The following MYCBP2 variants were observed in gnomAD, a reference collection of about 807,000 sequenced individuals.
MYCBP2 encodes the protein MYC binding protein 2.
A neutral mutation model predicts 525.3 loss-of-function variants in MYCBP2; 120 were observed. The ratio of observed to expected loss-of-function variants is 0.23; its 90% CI spans 0.20 to 0.27. MYCBP2 has a LOEUF of 0.27. Among genes scored for constraint, MYCBP2 ranks in the 10% least tolerant of loss-of-function variants. The probability of loss-of-function intolerance (pLI) is 1.00; values close to 1 mark genes in which losing one functional copy is unlikely to be tolerated. For synonymous variants in MYCBP2, 1,894 were observed against 1,955.8 expected, an observed-to-expected ratio of 0.97 and a Z score of 0.83; for missense variants, 4,149 against 5,657.1, an observed-to-expected ratio of 0.73 and a Z score of 8.55.
intron 60 of MYCBP2, 112 bp downstream of exon 60, chr13:77,089,994 T>A: frequency 1.2e-6 from 1 of 869,150 alleles, no homozygotes; most frequent in South Asian, 2.4e-5. Flanking sequence ...TTAGAAATTA[T>A]CCCATGCCTT....
rs529305914 is a variant in MYCBP2, at chr13:77,156,352, T to C, written c.6771-150A>G. On this transcript the variant is annotated intron_variant, in intron 45 of 82. Transcript: ENST00000544440. ...TTTCCAACTCAGTGATAATCATGAG[T>C]GTCTCCCTCAGAAACTGTTAAGGAC... is the stretch of plus-strand genomic sequence containing the variant. 22 of 695,466 alleles carry C rather than the reference T, an allele frequency of 3.2e-5. No homozygotes were observed. The African/African-American group carries it at 3.7e-4, about 12-fold the overall frequency. 43.1% of individuals were successfully genotyped at this position (695,466 alleles called of 1,614,324 possible). A position where few individuals can be genotyped will look rare whatever the true frequency, so the allele number is the denominator to read the frequency against.
intron 23 of MYCBP2, among the ~76,000 whole-genome samples, chr13:77,208,836 A>G (rs963983755): frequency 2.0e-5 from 3 of 152,182 alleles, no homozygotes; most frequent in Non-Finnish European, 4.4e-5. Context: ...GTAAATTTGT[A>G]TGTGGGAAAT....
intron 26 of MYCBP2, among the ~76,000 whole-genome samples, chr13:77,201,961 C>T (rs1447210261): frequency 6.6e-6 from 1 of 152,030 alleles, no homozygotes; most frequent in Admixed American, 6.6e-5. Flanking sequence ...AAAATTGACA[C>T]CCTAACATCA....
chr13:77,060,119 A>G (rs1159382022), intron 76 of MYCBP2, among the ~76,000 whole-genome samples: 1 of 152,212 alleles, frequency 6.6e-6, no homozygotes, highest in Non-Finnish European at 1.5e-5. Context: ...AGGAATTTAA[A>G]TATGTTTGAA....
intron 14 of MYCBP2, 129 bp from the exon 15 acceptor site, chr13:77,251,484 T>A: frequency 1.4e-6 from 1 of 724,586 alleles, no homozygotes; most frequent in South Asian, 1.9e-5. Context: ...AATGCTTAAA[T>A]TTGAGTAACA....
At chr13:77,269,574 C>T (rs914462216) in intron 7 of MYCBP2, among the ~76,000 whole-genome samples, 1 of 151,886 alleles carries the variant, frequency 6.6e-6, no homozygotes, top group Non-Finnish European at 1.5e-5. Context: ...TGCAGTGAGC[C>T]GAGACTGTGC....
At chr13:77,120,962 A>C (rs887005487) in intron 55 of MYCBP2, among the ~76,000 whole-genome samples, 2 of 152,178 alleles carry the variant, frequency 1.3e-5, no homozygotes, top group African/African-American at 4.8e-5. Context: ...AATATTACTT[A>C]AAAATATTAT....
intron 13 of MYCBP2, 136 bp downstream of exon 13, chr13:77,260,292 T>G: frequency 3.2e-6 from 2 of 625,944 alleles, no homozygotes; most frequent in South Asian, 5.7e-5. Flanking sequence ...TCTTTCGAAA[T>G]ATTTCACATT....
At chr13:77,304,156 G>A (rs926436942) in intron 1 of MYCBP2, among the ~76,000 whole-genome samples, 1 of 152,112 alleles carries the variant, frequency 6.6e-6, no homozygotes, top group East Asian at 1.9e-4. Flanking sequence ...AAATCCGTAT[G>A]TTGAAAAGAT....
rs780366379 is a variant in MYCBP2 at position 77,211,965 on chromosome 13, G to A, written c.3253C>T (p.His1085Tyr). The A allele has an allele frequency of 3.1e-6, 5 of 1,613,548 alleles. No individual in the cohort carries two copies. In the East Asian group the frequency reaches 1.1e-4, roughly 36 times the overall value. ...LATSEIFASK[H>Y]IIGLVPASIS... ...TTATTTCTGGTATTACCTATTATGT[G>A]TTTACTGGCAAAAATTTCTGATGTA... Residue 1085 changes from histidine to tyrosine, a missense_variant, in exon 22 of 83, where the codon CAC (histidine) becomes TAC (tyrosine). His to Tyr is a moderately conservative substitution (Grantham distance 83). Coordinates refer to ENST00000544440, the MANE Select transcript of MYCBP2 (RefSeq NM_015057.5).
At chr13:77,219,523 A>G (rs1310733548) in intron 20 of MYCBP2, among the ~76,000 whole-genome samples, 3 of 152,042 alleles carry the variant, frequency 2.0e-5, no homozygotes, top group African/African-American at 7.2e-5. Flanking sequence ...TAAAGACGCT[A>G]AAGACAAAGG....
rs1211751411 is a variant in MYCBP2 at position 77,278,759 on chromosome 13, T to G, written c.747A>C (p.Leu249=). The G allele has an allele frequency of 6.5e-7, 1 of 1,536,354 alleles. No individual in the cohort carries two copies. Among genetic ancestry groups the G allele is most frequent in the Non-Finnish European group, 8.7e-7 (1 of 1,146,896 alleles). The part of the protein sequence containing the change: ...EGLQSEPPEV[L]ESLFQLLLEI... ...CACTGAATGAGCCTTGGCTCTTACC[T>G]AGGACCTCAGGTGGCTCAGACTGGA... The change falls in exon 4 of 83, where the codon CTA becomes CTC. Residue 249 remains leucine, a splice_region_variant and synonymous_variant. Transcript: ENST00000544440.
At chr13:77,057,622 T>C (rs1384190696) in intron 78 of MYCBP2, among the ~76,000 whole-genome samples, 2 of 152,196 alleles carry the variant, frequency 1.3e-5, no homozygotes, top group South Asian at 2.1e-4. Context: ...CCTTAGCTAC[T>C]GGGGGATAAT....
At chr13:77,122,470 G>A (rs1363656316) in intron 54 of MYCBP2, among the ~76,000 whole-genome samples, 1 of 152,046 alleles carries the variant, frequency 6.6e-6, no homozygotes, top group Non-Finnish European at 1.5e-5. Flanking sequence ...GGGAGGCCAA[G>A]GCAGGCGGAT....
intron 17 of MYCBP2, among the ~76,000 whole-genome samples, chr13:77,242,151 G>A (rs1181700352): frequency 6.6e-6 from 1 of 152,050 alleles, no homozygotes; most frequent in African/African-American, 2.4e-5. Context: ...GTCTCACTCT[G>A]TCGCCAGGCT....
chr13:77,176,743 C>T lies in MYCBP2; in HGVS notation c.5341-115G>A, dbSNP rs994156973. On this transcript the variant is annotated intron_variant, in intron 35 of 82. Coordinates refer to ENST00000544440, the MANE Select transcript of MYCBP2 (RefSeq NM_015057.5). The stretch of plus-strand genomic sequence containing the variant: ...TTTATTTTCTTGAATATAAAATTAG[C>T]CATTAGTATTTTCCCATACATATGA... 8 of 892,962 alleles carry T rather than the reference C, an allele frequency of 9.0e-6. No homozygotes were observed. In the Admixed American group the frequency reaches 2.2e-4, roughly 25 times the overall value. 55.3% of individuals were successfully genotyped at this position (892,962 alleles called of 1,614,324 possible).
chr13:77,265,950 C>T (rs1035051203), intron 8 of MYCBP2, among the ~76,000 whole-genome samples: 1 of 152,164 alleles, frequency 6.6e-6, no homozygotes, highest in African/African-American at 2.4e-5. Flanking sequence ...GTTCATTCTT[C>T]ACCACTAATA....
chr13:77,163,929 T>C (rs573283244), intron 43 of MYCBP2, among the ~76,000 whole-genome samples: 1 of 152,322 alleles, frequency 6.6e-6, no homozygotes, highest in East Asian at 1.9e-4. Context: ...TGCAGCCTCC[T>C]CTTCCTGTTC....
At chr13:77,222,478 G>A (rs2065728025) in intron 20 of MYCBP2, among the ~76,000 whole-genome samples, 1 of 152,052 alleles carries the variant, frequency 6.6e-6, no homozygotes. Flanking sequence ...CATAACTCAG[G>A]ACATTCCCTT....
Sources: gnomAD v4.1 joint callset for allele counts (sites outside exome capture counted in the v4.1 genomes callset) on GRCh38, gnomAD v4.1.1 for gene constraint, MANE v1.5 for transcripts, NCBI Gene and HGNC (gene_info 2026-07-23, HGNC 2026-07-21) for gene names.